ZNF587B: variants seen among roughly 807,000 people sequenced by gnomAD.
ZNF587B encodes the protein zinc finger protein 587B.
ZNF587B carries 6 observed loss-of-function variants against 7.2 expected under a neutral mutation model. The ratio of observed to expected loss-of-function variants is 0.83; its 90% CI spans 0.46 to 1.65. The LOEUF (loss-of-function observed/expected upper bound fraction) is 1.65. Ranked by LOEUF, ZNF587B falls within the 40% of genes most tolerant of loss-of-function variation. The pLI, the probability that ZNF587B is intolerant of heterozygous loss-of-function variation, is 0.01. For synonymous variants in ZNF587B, 274 were observed against 254.3 expected (o/e 1.08, Z -0.74); for missense variants, 749 against 761.0 (o/e 0.98, Z 0.19).
chr19:57,838,691 G>A (rs1431119785), intron 1 of ZNF587B, among the ~76,000 whole-genome samples: 1 of 152,154 alleles, frequency 6.6e-6, no homozygotes, highest in Non-Finnish European at 1.5e-5. Context: ...GGATGGACAT[G>A]GAATGTACCT....
chr19:57,832,265 G>A (rs1360821095), intron 1 of ZNF587B, among the ~76,000 whole-genome samples: 1 of 151,076 alleles, frequency 6.6e-6, no homozygotes, highest in African/African-American at 2.4e-5. Context: ...TTTTGCATTT[G>A]TAGTAGAGAC....
rs1048824373 is a variant in ZNF587B, at chr19:57,842,839, G to C, written c.*263G>C. 6 of 985,336 alleles carry C rather than the reference G, an allele frequency of 6.1e-6. No individual in the cohort carries two copies. The African/African-American group carries it at 1.0e-4, about 17-fold the overall frequency. 61.0% of individuals were successfully genotyped at this position (985,336 alleles called of 1,614,324 possible). ...GCAAATATAGGCTATTTATCCAGAA[G>C]TCTGGCTTCAAAACTCACAGGAGAG... On this transcript the variant is annotated 3_prime_UTR_variant, in exon 3 of 3. Coordinates refer to ENST00000594901, the MANE Select transcript of ZNF587B (RefSeq NM_001376223.1).
In ZNF587B at chr19:57,843,892, T is replaced by G. The variant is rs2122263674; in HGVS notation, c.*1316T>G. Among the ~76,000 whole-genome samples the G allele has an allele frequency of 6.6e-6, 1 of 152,108 alleles. No homozygotes were observed. Among genetic ancestry groups the G allele is most frequent in the Admixed American group, 6.6e-5 (1 of 15,254 alleles). The stretch of plus-strand genomic sequence containing the variant: ...TGGGATTACAGTGTGAGCCTCTGCT[T>G]CTGGCCTTTTTAAAAATTTTTTAAA... On this transcript the variant is annotated 3_prime_UTR_variant, in exon 3 of 3. Coordinates refer to ENST00000594901, the MANE Select transcript of ZNF587B (RefSeq NM_001376223.1).
Position 57,845,334 on chromosome 19 carries a change from A to G in ZNF587B, c.*2758A>G, listed in dbSNP as rs1170298776. On this transcript the variant is annotated 3_prime_UTR_variant, in exon 3 of 3. Coordinates refer to ENST00000594901, the MANE Select transcript of ZNF587B (RefSeq NM_001376223.1). The stretch of plus-strand genomic sequence containing the variant: ...CAGTTATCCAGTCACTGTGTCTGTG[A>G]TGGATAAGCAGATACAGAAATTCTC... 1 of 152,194 alleles carries G rather than the reference A, an allele frequency of 6.6e-6. No individual in the cohort carries two copies. The highest frequency in any genetic ancestry group is 1.9e-4 in the East Asian group (1 of 5,192). 9.4% of individuals were successfully genotyped at this position (152,194 alleles called of 1,614,324 possible). A position where few individuals can be genotyped will look rare whatever the true frequency, so the allele number is the denominator to read the frequency against.
chr19:57,835,871 G>C (rs1455831496), intron 1 of ZNF587B, among the ~76,000 whole-genome samples: 1 of 149,554 alleles, frequency 6.7e-6, no homozygotes, highest in Non-Finnish European at 1.5e-5. Context: ...CTAATGTGTG[G>C]ACTAAGGTGC....
At chr19:57,837,103 G>A (rs1010638696) in intron 1 of ZNF587B, among the ~76,000 whole-genome samples, 1 of 152,108 alleles carries the variant, frequency 6.6e-6, no homozygotes, top group Non-Finnish European at 1.5e-5. Context: ...ATAAGTCAAT[G>A]GCATCCTCCT....
chr19:57,840,306 A>T (rs1381432627), intron 2 of ZNF587B, among the ~76,000 whole-genome samples: 1 of 151,914 alleles, frequency 6.6e-6, no homozygotes, highest in Admixed American at 6.6e-5. Context: ...GCTTTGACCT[A>T]CTTGTACATG....
At position 57,846,189 on chromosome 19, in the gene ZNF587B, C is replaced by G. The variant is rs1030506888; in HGVS notation, c.*3613C>G. The G allele has an allele frequency of 1.3e-5, 2 of 152,038 alleles. No individual in the cohort carries two copies. Among genetic ancestry groups the G allele is most frequent in the African/African-American group, 4.8e-5 (2 of 41,376 alleles). 9.4% of individuals were successfully genotyped at this position (152,038 alleles called of 1,614,324 possible). On this transcript the variant is annotated 3_prime_UTR_variant, in exon 3 of 3. Transcript: ENST00000594901. Reference sequence around the variant, plus strand: ...ACTTTGCTGTATGATGGAGTACTTTCCATTTTCTGGAATTTTCTGACTGAT... The same window carrying G: ...ACTTTGCTGTATGATGGAGTACTTTGCATTTTCTGGAATTTTCTGACTGAT...
rs1324065807 is a variant in ZNF587B at position 57,843,587 on chromosome 19, G to GTTTTTTTTTTT, written c.*1013_*1014insTTTTTTTTTTT. The GTTTTTTTTTTT allele has an allele frequency of 6.2e-4, 468 of 759,400 alleles. 40 individuals carry two copies. The highest frequency in any genetic ancestry group is 2.2e-3 in the East Asian group (14 of 6,400). 47.0% of individuals were successfully genotyped at this position (759,400 alleles called of 1,614,324 possible). On this transcript the variant is annotated 3_prime_UTR_variant, in exon 3 of 3. Coordinates refer to ENST00000594901, the MANE Select transcript of ZNF587B (RefSeq NM_001376223.1). ...GTTTGGTTGGTTGGTTGGTTGGTTG[G>GTTTTTTTTTTT]TTGTTTTTTTTTGTTTTTTTTTTTT...
rs1988837236 is a variant in ZNF587B, at chr19:57,841,365, C to G, written c.691C>G (p.Gln231Glu). ...TTTTAGCACCAAACATATACTCAGTCAGCACCAGAGACTTCTCCCTCGAGA... is the reference window on the plus strand; with the variant it reads ...TTTTAGCACCAAACATATACTCAGTGAGCACCAGAGACTTCTCCCTCGAGA... ...KHFSTKHILS[Q>E]HQRLLPREEC... The change falls in exon 3 of 3, where the codon CAG (glutamine) becomes GAG (glutamate). Residue 231 changes from glutamine to glutamate, a missense_variant. By Grantham distance (29) the Gln-to-Glu change is conservative. Transcript: ENST00000594901. The G allele has an allele frequency of 7.5e-6, 12 of 1,594,674 alleles. No homozygotes were observed. Among genetic ancestry groups the G allele is most frequent in the Admixed American group, 3.6e-5 (2 of 55,810 alleles).
In ZNF587B at chr19:57,843,322, G is replaced by C. The variant is rs1343042111; in HGVS notation, c.*746G>C. On this transcript the variant is annotated 3_prime_UTR_variant, in exon 3 of 3. Transcript: ENST00000594901. Reference sequence around the variant, plus strand: ...TGTTTTTCTGTGTAACATGGGAGGAGATCCTTTGAGGGCACCATGTGCCCA... The same window carrying C: ...TGTTTTTCTGTGTAACATGGGAGGACATCCTTTGAGGGCACCATGTGCCCA... 1 of 985,250 alleles carries C rather than the reference G, an allele frequency of 1.0e-6. No individual in the cohort carries two copies. Among genetic ancestry groups the C allele is most frequent in the Non-Finnish European group, 1.2e-6 (1 of 829,932 alleles). 61.0% of individuals were successfully genotyped at this position (985,250 alleles called of 1,614,324 possible).
Position 57,843,591 on chromosome 19 carries a change from T to TTTTTTTTG in ZNF587B, c.*1022_*1023insGTTTTTTT, listed in dbSNP as rs1988951465. On this transcript the variant is annotated 3_prime_UTR_variant, in exon 3 of 3. Coordinates refer to ENST00000594901, the MANE Select transcript of ZNF587B (RefSeq NM_001376223.1). ...GGTTGGTTGGTTGGTTGGTTGGTTG[T>TTTTTTTTG]TTTTTTTTGTTTTTTTTTTTTTTTT... is the stretch of plus-strand genomic sequence containing the variant. 1.2e-6 allele frequency: 1 copy of TTTTTTTTG among 828,224 alleles called. No individual in the cohort carries two copies. The highest frequency in any genetic ancestry group is 3.0e-5 in the African/African-American group (1 of 33,244). 51.3% of individuals were successfully genotyped at this position (828,224 alleles called of 1,614,324 possible).
Position 57,842,910 on chromosome 19 carries a change from C to T in ZNF587B, c.*334C>T. ...TTTGAATGTAATGTTTGCAAAAAAG[C>T]ACTGTGCCTTCTGTCATTGAATCCT... On this transcript the variant is annotated 3_prime_UTR_variant, in exon 3 of 3. Transcript: ENST00000594901. The T allele has an allele frequency of 6.1e-6, 6 of 985,402 alleles. No individual in the cohort carries two copies. Among genetic ancestry groups the T allele is most frequent in the Non-Finnish European group, 7.2e-6 (6 of 829,936 alleles). 61.0% of individuals were successfully genotyped at this position (985,402 alleles called of 1,614,324 possible).
intron 1 of ZNF587B, among the ~76,000 whole-genome samples, chr19:57,831,577 A>G (rs1034238561): frequency 7.2e-5 from 11 of 152,114 alleles, no homozygotes; most frequent in Non-Finnish European, 1.2e-4. Flanking sequence ...TATGTTTAGT[A>G]GAGATGGAGT....
chr19:57,840,198 A>ACT (rs1988786315), intron 2 of ZNF587B, among the ~76,000 whole-genome samples: 1 of 151,530 alleles, frequency 6.6e-6, no homozygotes, highest in South Asian at 2.1e-4. Context: ...TTTTTGTGGC[A>ACT]AGAGAAGTAG....
chr19:57,841,535 ACAT>A lies in ZNF587B; in HGVS notation c.864_866del (p.His288del). 1 of 1,582,288 alleles carries A rather than the reference ACAT, an allele frequency of 6.3e-7. No individual in the cohort carries two copies. Among genetic ancestry groups the A allele is most frequent in the African/African-American group, 1.4e-5 (1 of 74,046 alleles). Reference sequence around the variant, plus strand: ...TTAGTCAAAAGAGCAGCCTCATTCAACATCAGCAATTTCACACTGGAGGAAAAC... The same window carrying A: ...TTAGTCAAAAGAGCAGCCTCATTCAACAGCAATTTCACACTGGAGGAAAAC... On this transcript the variant is annotated inframe_deletion, in exon 3 of 3. Transcript: ENST00000594901.
rs1392500732 is a variant in ZNF587B at position 57,845,085 on chromosome 19, T to A, written c.*2509T>A. 1 of 152,098 alleles carries A rather than the reference T, an allele frequency of 6.6e-6. No individual in the cohort carries two copies. The highest frequency in any genetic ancestry group is 1.5e-5 in the Non-Finnish European group (1 of 68,052). The allele number at this position is 152,098 out of a possible 1,614,324, so 9.4% of individuals were successfully genotyped here. ...TGTGCCTTCTGGGTTCAAGCGATTCTCCCACCTCAGTCACCCAAGTAGCTA... is the reference window on the plus strand; with the variant it reads ...TGTGCCTTCTGGGTTCAAGCGATTCACCCACCTCAGTCACCCAAGTAGCTA... On this transcript the variant is annotated 3_prime_UTR_variant, in exon 3 of 3. Transcript: ENST00000594901.
At chr19:57,836,821 A>T (rs1394705809) in intron 1 of ZNF587B, among the ~76,000 whole-genome samples, 1 of 152,074 alleles carries the variant, frequency 6.6e-6, no homozygotes, top group Non-Finnish European at 1.5e-5. Flanking sequence ...AAAATTAACC[A>T]GGCATGGTGG....
At chr19:57,838,886 A>T (rs989181629) in intron 1 of ZNF587B, 137 bp from the exon 2 acceptor site, 2 of 1,352,702 alleles carry the variant, frequency 1.5e-6, no homozygotes, top group Non-Finnish European at 2.0e-6. Flanking sequence ...GCTGTACCCC[A>T]TGACCAGTGG....
Sources: gnomAD v4.1 joint callset for allele counts (sites outside exome capture counted in the v4.1 genomes callset) on GRCh38, gnomAD v4.1.1 for gene constraint, MANE v1.5 for transcripts, NCBI Gene and HGNC (gene_info 2026-07-23, HGNC 2026-07-21) for gene names.